The following ZNF789 variants were observed in gnomAD, a reference collection of about 807,000 sequenced individuals.
ZNF789 encodes the protein zinc finger protein 789.
ZNF789 carries 11 observed loss-of-function variants against 15.6 expected under a neutral mutation model. The ratio of observed to expected loss-of-function variants is 0.70; its 90% CI spans 0.44 to 1.16. The LOEUF (loss-of-function observed/expected upper bound fraction) is 1.16. ZNF789 is among the 50% of genes most tolerant of loss of function. The pLI, the probability that ZNF789 is intolerant of heterozygous loss-of-function variation, is 0.00. For missense variants in ZNF789, 461 were observed against 512.6 expected, an observed-to-expected ratio of 0.90 and a Z score of 0.97; for synonymous variants, 159 against 176.0, an observed-to-expected ratio of 0.90 and a Z score of 0.76.
chr7:99,474,975 A>G lies in ZNF789; in HGVS notation c.-54-1428A>G, dbSNP rs376308603. The stretch of plus-strand genomic sequence containing the variant: ...ACTCCAGCCTGGGTGATAGAGGGAG[A>G]CTCCTCAAAAAAAAAAAGAAAGGCA... On this transcript the variant is annotated intron_variant, in intron 1 of 4. Coordinates refer to ENST00000331410, the MANE Select transcript of ZNF789 (RefSeq NM_213603.3). Among the ~76,000 whole-genome samples the G allele has an allele frequency of 1.2e-4, 18 of 149,074 alleles. No homozygotes were observed. The East Asian group carries it at 3.3e-3, about 27-fold the overall frequency.
At chr7:99,481,955 T>C (rs1055721656) in intron 3 of ZNF789, 1 of 581,392 alleles carries the variant, frequency 1.7e-6, no homozygotes, top group South Asian at 2.2e-5. Context: ...ATGTGTCTAT[T>C]ACAGGGAAAG....
At chr7:99,475,219 C>A (rs184907561) in intron 1 of ZNF789, among the ~76,000 whole-genome samples, 9 of 152,026 alleles carry the variant, frequency 5.9e-5, no homozygotes, top group Non-Finnish European at 1.0e-4. Flanking sequence ...ATGGTGAAAC[C>A]CCATCTCAAC....
Position 99,486,460 on chromosome 7 carries a change from C to A in ZNF789, c.266-16C>A, listed in dbSNP as rs1562888138. The stretch of plus-strand genomic sequence containing the variant: ...AGTGGATAGGTCATTTACATCTTTT[C>A]TTGTTATTTGGCTAGGTTCTGAAGC... On this transcript the variant is annotated splice_polypyrimidine_tract_variant and intron_variant, in intron 4 of 4. Coordinates refer to ENST00000331410, the MANE Select transcript of ZNF789 (RefSeq NM_213603.3). 1 of 1,595,274 alleles carries A rather than the reference C, an allele frequency of 6.3e-7. No individual in the cohort carries two copies. Among genetic ancestry groups the A allele is most frequent in the East Asian group, 2.2e-5 (1 of 44,770 alleles).
rs1800006481 is a variant in ZNF789, at chr7:99,487,138, G to GA, written c.933dup (p.Arg312ThrfsTer3). ...TCGACATCAGGTGATCCATAGTGGAGAAAAACGCCATAAATGCCTTGAGTG... is the reference window on the plus strand; with the variant it reads ...TCGACATCAGGTGATCCATAGTGGAGAAAAAACGCCATAAATGCCTTGAGTG... On this transcript the variant is annotated frameshift_variant, in exon 5 of 5. Transcript: ENST00000331410. LOFTEE classifies it low-confidence loss of function (END_TRUNC). 6.2e-7 allele frequency: 1 copy of GA among 1,614,050 alleles called. No homozygotes were observed. The highest frequency in any genetic ancestry group is 1.7e-5 in the Admixed American group (1 of 59,988).
chr7:99,487,030 G>T lies in ZNF789; in HGVS notation c.820G>T (p.Glu274Ter). Residue 274 changes from glutamate to a stop codon, truncating the protein, a stop_gained, in exon 5 of 5, where the codon GAA (glutamate) becomes TAA (stop). Coordinates refer to ENST00000331410, the MANE Select transcript of ZNF789 (RefSeq NM_213603.3). LOFTEE classifies it low-confidence loss of function (END_TRUNC). The stretch of plus-strand genomic sequence containing the variant: ...TTTTCGGCAGCTCGCGTATCTTGTT[G>T]AACATAAGAGGATTCACACCAAAGA... ...KCFRQLAYLV[E>*]HKRIHTKEKP... 6.2e-7 allele frequency: 1 copy of T among 1,614,010 alleles called. No homozygotes were observed. Among genetic ancestry groups the T allele is most frequent in the South Asian group, 1.1e-5 (1 of 91,080 alleles).
chr7:99,482,130 C>T lies in ZNF789; in HGVS notation c.152-1900C>T, dbSNP rs758038858. 172 of 779,716 alleles carry T rather than the reference C, an allele frequency of 2.2e-4. No homozygotes were observed. In the East Asian group the frequency reaches 3.3e-3, roughly 15 times the overall value. 48.3% of individuals were successfully genotyped at this position (779,716 alleles called of 1,614,324 possible). ...TTAGACATGTAGCTTCTTCAAGCTA[C>T]GCTTGATTTAATTGTTCCCTTTTGA... On this transcript the variant is annotated intron_variant, in intron 3 of 4. Coordinates refer to ENST00000331410, the MANE Select transcript of ZNF789 (RefSeq NM_213603.3).
chr7:99,487,045 C>T lies in ZNF789; in HGVS notation c.835C>T (p.His279Tyr). The change falls in exon 5 of 5, where the codon CAC becomes TAC. Residue 279 changes from histidine (H) to tyrosine (Y), a missense_variant. His to Tyr is a moderately conservative substitution (Grantham distance 83, BLOSUM62 2). Coordinates refer to ENST00000331410, the MANE Select transcript of ZNF789 (RefSeq NM_213603.3). The part of the protein sequence containing the change: ...LAYLVEHKRI[H>Y]TKEKPYKCSK... Reference sequence around the variant, plus strand: ...GTATCTTGTTGAACATAAGAGGATTCACACCAAAGAAAAACCTTATAAATG... The same window carrying T: ...GTATCTTGTTGAACATAAGAGGATTTACACCAAAGAAAAACCTTATAAATG... 1 of 1,614,020 alleles carries T rather than the reference C, an allele frequency of 6.2e-7. No individual in the cohort carries two copies. Among genetic ancestry groups the T allele is most frequent in the Non-Finnish European group, 8.5e-7 (1 of 1,180,020 alleles).
Position 99,486,919 on chromosome 7 carries a change from G to A in ZNF789, c.709G>A (p.Ala237Thr). 6.2e-7 allele frequency: 1 copy of A among 1,614,150 alleles called. No individual in the cohort carries two copies. Among genetic ancestry groups the A allele is most frequent in the Non-Finnish European group, 8.5e-7 (1 of 1,180,036 alleles). Residue 237 changes from alanine to threonine, a missense_variant, in exon 5 of 5, where the codon GCC (alanine) becomes ACC (threonine). Transcript: ENST00000331410. Reference protein sequence around the residue: ...NPFECKVCGQAFRQRSALTVH... With the variant: ...NPFECKVCGQTFRQRSALTVH... The stretch of plus-strand genomic sequence containing the variant: ...TTTTGAGTGTAAGGTCTGTGGGCAA[G>A]CCTTCAGACAGCGGTCAGCTCTTAC...
At chr7:99,473,133 A>T (rs1026587554) in intron 1 of ZNF789, 77 bp downstream of exon 1, 1 of 152,102 alleles carries the variant, frequency 6.6e-6, no homozygotes, top group Non-Finnish European at 1.5e-5. Flanking sequence ...CCCGGCTCGC[A>T]GGGGACGCTC....
chr7:99,479,488 T>C (rs1799505550), intron 2 of ZNF789, 173 bp from the exon 3 acceptor site: 1 of 607,746 alleles, frequency 1.6e-6, no homozygotes, highest in Admixed American at 3.7e-5. Context: ...AGCCAGCACA[T>C]GTCTGGCCTG....
intron 1 of ZNF789, among the ~76,000 whole-genome samples, chr7:99,475,611 G>A (rs1011664215): frequency 2.0e-5 from 3 of 152,024 alleles, no homozygotes; most frequent in African/African-American, 4.8e-5. Context: ...AACTAGACTC[G>A]GACATCCTGT....
chr7:99,483,964 C>G, intron 3 of ZNF789, 66 bp from the exon 4 acceptor site: 1 of 1,302,552 alleles, frequency 7.7e-7, no homozygotes, highest in Non-Finnish European at 1.1e-6. Context: ...CTGCTTGCCA[C>G]TGAGCCCCGG....
intron 2 of ZNF789, among the ~76,000 whole-genome samples, chr7:99,477,146 G>C (rs774589541): frequency 2.6e-5 from 4 of 151,950 alleles, no homozygotes; most frequent in Non-Finnish European, 5.9e-5. Context: ...GGGTTCAAGT[G>C]ATTATCCTGC....
intron 3 of ZNF789, chr7:99,480,800 T>C (rs922154145): frequency 7.9e-5 from 12 of 152,262 alleles, no homozygotes; most frequent in African/African-American, 2.9e-4. Context: ...CACTGTAGTC[T>C]CCCACTGTGG....
intron 3 of ZNF789, chr7:99,481,114 A>G (rs1436731058): frequency 2.0e-5 from 3 of 152,206 alleles, no homozygotes; most frequent in African/African-American, 7.2e-5. Flanking sequence ...CAATCCTGTA[A>G]TCTGTTTTAA....
At chr7:99,478,217 C>T in intron 2 of ZNF789, 1 of 1,214,692 alleles carries the variant, frequency 8.2e-7, no homozygotes, top group South Asian at 1.3e-5. Flanking sequence ...GTTACCATGC[C>T]ACAATGACTC....
In ZNF789 at chr7:99,472,925, C is replaced by T. The variant is rs1799091424; in HGVS notation, c.-186C>T. On this transcript the variant is annotated 5_prime_UTR_variant, in exon 1 of 5. Transcript: ENST00000331410. ...TCTGAGGCTGCCAGAGTGGTTGTGT[C>T]TGTTCCTCCGGTAAGGGGTGATTCG... 1 of 152,378 alleles carries T rather than the reference C, an allele frequency of 6.6e-6. No individual in the cohort carries two copies. Among genetic ancestry groups the T allele is most frequent in the Non-Finnish European group, 1.5e-5 (1 of 68,188 alleles). 9.4% of individuals were successfully genotyped at this position (152,378 alleles called of 1,614,324 possible).
intron 3 of ZNF789, chr7:99,480,963 G>A (rs1200090097): frequency 6.6e-6 from 1 of 152,210 alleles, no homozygotes; most frequent in Non-Finnish European, 1.5e-5. Flanking sequence ...CATTACAGGA[G>A]CATACATAAG....
In ZNF789 at chr7:99,481,884, C is replaced by T. The variant is rs374566161; in HGVS notation, c.151+2097C>T. The T allele has an allele frequency of 3.5e-5, 14 of 398,622 alleles. 1 individual carries two copies. The highest frequency in any genetic ancestry group is 2.5e-4 in the African/African-American group (12 of 48,884). 24.7% of individuals were successfully genotyped at this position (398,622 alleles called of 1,614,324 possible). A position where few individuals can be genotyped will look rare whatever the true frequency, so the allele number is the denominator to read the frequency against. ...GTAGATAATAAAAATCACCTGCAGGCCTACTTTCCAGAAGTAACTCTTGTT... is the reference window on the plus strand; with the variant it reads ...GTAGATAATAAAAATCACCTGCAGGTCTACTTTCCAGAAGTAACTCTTGTT... On this transcript the variant is annotated intron_variant, in intron 3 of 4. Coordinates refer to ENST00000331410, the MANE Select transcript of ZNF789 (RefSeq NM_213603.3).
Sources: allele counts gnomAD v4.1 joint callset (sites outside exome capture counted in the v4.1 genomes callset), GRCh38; gene constraint gnomAD v4.1.1; transcripts MANE v1.5; gene names NCBI Gene and HGNC (gene_info 2026-07-23, HGNC 2026-07-21).